RBFOX1: variants seen among roughly 807,000 people sequenced by gnomAD.
The protein encoded by RBFOX1 is RNA binding fox-1 homolog 1, also known as RNA binding protein fox-1 homolog 1.
In RBFOX1, 8 loss-of-function variants were observed where a neutral mutation model predicts 57.7. The ratio of observed to expected loss-of-function variants is 0.14; its 90% CI spans 0.08 to 0.25. RBFOX1 has a LOEUF of 0.25. RBFOX1 is among the 10% of genes least tolerant of loss of function. The pLI, the probability that RBFOX1 is intolerant of heterozygous loss-of-function variation, is 1.00. For missense variants in RBFOX1, 611 were observed against 548.5 expected, an observed-to-expected ratio of 1.11 and a Z score of -1.14; for synonymous variants, 326 against 222.4, an observed-to-expected ratio of 1.47 and a Z score of -4.15.
intron 3 of RBFOX1, chr16:6,704,439 G>A (rs72764930): frequency 0.011 from 1,667 of 152,398 alleles, 21 homozygotes; most frequent in Non-Finnish European, 0.018. Context: ...TGCCCACATG[G>A]CTCTAGCTGG....
intron 2 of RBFOX1, among the ~76,000 whole-genome samples, chr16:5,494,932 G>T (rs4630546): frequency 6.6e-6 from 1 of 152,122 alleles, no homozygotes; most frequent in Non-Finnish European, 1.5e-5. Context: ...GCTCCTGTAA[G>T]TGAAGTAGGA....
chr16:7,342,888 C>G (rs1260340596), intron 4 of RBFOX1, among the ~76,000 whole-genome samples: 2 of 152,202 alleles, frequency 1.3e-5, no homozygotes, highest in African/African-American at 4.8e-5. Flanking sequence ...GGGGCCATGT[C>G]ATTCTCAGTA....
chr16:7,183,070 C>G (rs917845567), intron 4 of RBFOX1, among the ~76,000 whole-genome samples: 2 of 152,114 alleles, frequency 1.3e-5, no homozygotes, highest in Admixed American at 6.6e-5. Context: ...TATAAGTAAG[C>G]GAATGATCCC....
intron 4 of RBFOX1, among the ~76,000 whole-genome samples, chr16:7,236,230 C>A (rs1274652588): frequency 1.3e-5 from 2 of 152,086 alleles, no homozygotes; most frequent in Non-Finnish European, 2.9e-5. Flanking sequence ...ATATTTAGAT[C>A]TGTAAAGGGA....
chr16:6,831,018 A>C (rs7195168), intron 3 of RBFOX1, among the ~76,000 whole-genome samples: 33,564 of 152,112 alleles, frequency 0.22, 4,691 homozygotes, highest in East Asian at 0.52. Flanking sequence ...TTTACCATCT[A>C]AGCCTTTTCC....
At chr16:5,852,521 TC>T (rs1270102191) in intron 3 of RBFOX1, among the ~76,000 whole-genome samples, 1 of 152,116 alleles carries the variant, frequency 6.6e-6, no homozygotes, top group Non-Finnish European at 1.5e-5. Flanking sequence ...GCAGGCTGGC[TC>T]CGGATGGAGG....
intron 1 of RBFOX1, among the ~76,000 whole-genome samples, chr16:6,282,939 A>G (rs952104175): frequency 5.3e-5 from 8 of 152,226 alleles, no homozygotes; most frequent in African/African-American, 1.9e-4. Context: ...CATAGTTAAG[A>G]GAACCCTCAC....
chr16:5,784,009 T>C (rs2054412670), intron 3 of RBFOX1, among the ~76,000 whole-genome samples: 1 of 152,204 alleles, frequency 6.6e-6, no homozygotes, highest in African/African-American at 2.4e-5. Context: ...GACTGGGTAA[T>C]TTATAAATAA....
intron 5 of RBFOX1, among the ~76,000 whole-genome samples, chr16:7,557,135 C>A (rs2088794344): frequency 6.6e-6 from 1 of 152,082 alleles, no homozygotes; most frequent in Non-Finnish European, 1.5e-5. Flanking sequence ...GATGAGGGAA[C>A]TGAGGTACCA....
At chr16:6,512,975 C>T (rs1185379501) in intron 2 of RBFOX1, among the ~76,000 whole-genome samples, 1 of 152,174 alleles carries the variant, frequency 6.6e-6, no homozygotes, top group African/African-American at 2.4e-5. Context: ...AAAGGAGAAG[C>T]AGAATAATTT....
At chr16:6,790,792 T>C (rs1330704228) in intron 3 of RBFOX1, among the ~76,000 whole-genome samples, 3 of 152,206 alleles carry the variant, frequency 2.0e-5, no homozygotes. Flanking sequence ...AATAGGAAAA[T>C]AGTTCTGCTA....
At chr16:5,894,818 G>A (rs1327501213) in intron 4 of RBFOX1, among the ~76,000 whole-genome samples, 25 of 151,996 alleles carry the variant, frequency 1.6e-4, no homozygotes, top group African/African-American at 5.3e-4. Flanking sequence ...TCAGGAGATC[G>A]AGACCATCTT....
intron 2 of RBFOX1, among the ~76,000 whole-genome samples, chr16:6,385,970 C>G (rs1312659609): frequency 6.7e-6 from 1 of 148,892 alleles, no homozygotes; most frequent in East Asian, 2.0e-4. Flanking sequence ...GAGTCTTGCT[C>G]TGTCGCCCAG....
intron 2 of RBFOX1, among the ~76,000 whole-genome samples, chr16:6,527,197 A>C (rs1172948542): frequency 6.6e-6 from 1 of 152,172 alleles, no homozygotes; most frequent in Non-Finnish European, 1.5e-5. Context: ...TCTCCTATCT[A>C]CCTATGATCT....
At chr16:7,001,419 T>C (rs1466853170) in intron 3 of RBFOX1, among the ~76,000 whole-genome samples, 43 of 150,394 alleles carry the variant, frequency 2.9e-4, no homozygotes, top group African/African-American at 1.0e-3. Flanking sequence ...TATGTATATG[T>C]ATATGTATAT....
intron 1 of RBFOX1, among the ~76,000 whole-genome samples, chr16:6,143,602 G>A (rs148064278): frequency 6.6e-6 from 1 of 152,222 alleles, no homozygotes; most frequent in East Asian, 1.9e-4. Flanking sequence ...TTCTCTCTTG[G>A]AGGATGATAA....
At chr16:7,704,807 T>C (rs1478865524) in intron 14 of RBFOX1, among the ~76,000 whole-genome samples, 1 of 152,076 alleles carries the variant, frequency 6.6e-6, no homozygotes, top group East Asian at 1.9e-4. Flanking sequence ...TCCTAGCACT[T>C]TGGGAGGCCA....
chr16:7,272,359 A>G (rs9938521), intron 4 of RBFOX1, among the ~76,000 whole-genome samples: 55,607 of 151,634 alleles, frequency 0.37, 11,359 homozygotes, highest in African/African-American at 0.54. Flanking sequence ...TAGTTTTTGT[A>G]TTTTTAGTAG....
At chr16:6,015,014 C>A (rs1236246082), upstream of RBFOX1, among the ~76,000 whole-genome samples, 1 of 151,914 alleles carries the variant, frequency 6.6e-6, no homozygotes, top group Non-Finnish European at 1.5e-5. Flanking sequence ...CACCACTACG[C>A]CTGGCTAATA....
Sources: gnomAD v4.1 joint callset for allele counts (sites outside exome capture counted in the v4.1 genomes callset) on GRCh38, gnomAD v4.1.1 for gene constraint, MANE v1.5 for transcripts, NCBI Gene and HGNC (gene_info 2026-07-23, HGNC 2026-07-21) for gene names.